ARHGEF4: variants seen among roughly 807,000 people sequenced by gnomAD.
ARHGEF4 encodes APC-stimulated guanine nucleotide exchange factor 1.
Under a neutral mutation model 162.0 loss-of-function variants are expected in ARHGEF4, and 119 were observed. The observed-to-expected ratio is 0.73, with a 90% CI of 0.63 to 0.86. The LOEUF is 0.86. Among genes scored for constraint, ARHGEF4 ranks in the 40% least tolerant of loss-of-function variants. The pLI is 0.00. For synonymous variants in ARHGEF4, 1,014 were observed against 979.9 expected (o/e 1.03, Z -0.65); for missense variants, 2,488 against 2,456.0 (o/e 1.01, Z -0.28).
intron 4 of ARHGEF4, among the ~76,000 whole-genome samples, chr2:131,016,777 G>C (rs937734254): frequency 5.9e-5 from 9 of 152,222 alleles, no homozygotes; most frequent in African/African-American, 1.9e-4. Flanking sequence ...AGTTCCCTAA[G>C]TGCTGCTGCT....
At chr2:130,974,320 G>GCTA (rs890800580) in intron 4 of ARHGEF4, among the ~76,000 whole-genome samples, 3 of 151,328 alleles carry the variant, frequency 2.0e-5, no homozygotes, top group African/African-American at 7.3e-5. Context: ...ACAATACTTG[G>GCTA]CTAACTATTT....
At chr2:130,996,446 C>T (rs1230989521) in intron 4 of ARHGEF4, among the ~76,000 whole-genome samples, 4 of 152,184 alleles carry the variant, frequency 2.6e-5, no homozygotes, top group Non-Finnish European at 5.9e-5. Context: ...AGTCACTTAT[C>T]GTTATATTTT....
chr2:130,992,612 C>T (rs920125224), intron 4 of ARHGEF4, among the ~76,000 whole-genome samples: 1 of 151,926 alleles, frequency 6.6e-6, no homozygotes, highest in African/African-American at 2.4e-5. Flanking sequence ...TCCAGACGCG[C>T]CACCTTAAGA....
chr2:130,885,424 A>G (rs1230051312), intron 1 of ARHGEF4, among the ~76,000 whole-genome samples: 1 of 151,494 alleles, frequency 6.6e-6, no homozygotes, highest in Non-Finnish European at 1.5e-5. Flanking sequence ...TTCAAGAGGA[A>G]AGAACCCTCG....
chr2:130,929,791 A>G, intron 2 of ARHGEF4: 1 of 191,730 alleles, frequency 5.2e-6, no homozygotes. Context: ...CAGCCGTGTG[A>G]GTCTCCAGGG....
chr2:130,907,435 T>G (rs905917199), intron 1 of ARHGEF4, among the ~76,000 whole-genome samples: 7 of 151,430 alleles, frequency 4.6e-5, no homozygotes, highest in Non-Finnish European at 1.5e-5. Context: ...GCCAGGATGG[T>G]CTCGATCTCC....
At chr2:131,032,657 C>T (rs149215541) in intron 5 of ARHGEF4, among the ~76,000 whole-genome samples, 4 of 151,642 alleles carry the variant, frequency 2.6e-5, no homozygotes, top group Non-Finnish European at 5.9e-5. Context: ...TTCCCTTTGT[C>T]CTCCCAAAGC....
chr2:130,838,111 C>T (rs1021332301), intron 1 of ARHGEF4, among the ~76,000 whole-genome samples: 1 of 152,206 alleles, frequency 6.6e-6, no homozygotes, highest in Admixed American at 6.5e-5. Flanking sequence ...GGAAGGCAGC[C>T]TTTCAGGAAC....
intron 6 of ARHGEF4, 46 bp from the exon 7 acceptor site, chr2:131,039,970 T>C (rs775570978): frequency 1.3e-6 from 2 of 1,541,736 alleles, no homozygotes; most frequent in East Asian, 4.9e-5. Flanking sequence ...CGCGGGGCGT[T>C]GCTCCGAGGG....
At chr2:130,967,278 A>T (rs1685066308) in intron 4 of ARHGEF4, among the ~76,000 whole-genome samples, 2 of 152,184 alleles carry the variant, frequency 1.3e-5, no homozygotes, top group African/African-American at 4.8e-5. Flanking sequence ...GCATAATCCG[A>T]ACACGAAATA....
intron 3 of ARHGEF4, among the ~76,000 whole-genome samples, chr2:130,938,660 G>T (rs993592883): frequency 2.6e-5 from 4 of 152,082 alleles, no homozygotes; most frequent in Non-Finnish European, 5.9e-5. Flanking sequence ...TGAATTTGTG[G>T]TTTACAAACA....
At chr2:130,894,659 C>CT (rs143640301) in intron 1 of ARHGEF4, among the ~76,000 whole-genome samples, 19,831 of 149,952 alleles carry the variant, frequency 0.13, 2,881 homozygotes, top group African/African-American at 0.36. Context: ...AAAAAAGCAA[C>CT]TTTTTTTTTT....
chr2:131,038,793 G>C (rs907237099), intron 5 of ARHGEF4, 60 bp from the exon 6 acceptor site: 1 of 1,532,996 alleles, frequency 6.5e-7, no homozygotes, highest in African/African-American at 1.4e-5. Context: ...TGGAGACAGA[G>C]AGCAGGGAGG....
At chr2:131,040,477 C>A in intron 8 of ARHGEF4, 37 bp downstream of exon 8, 1 of 1,502,904 alleles carries the variant, frequency 6.7e-7, no homozygotes, top group South Asian at 1.3e-5. Context: ...CTGGGCGCTG[C>A]GTTCACAGAG....
In ARHGEF4 at chr2:130,902,219, C is replaced by G. The variant is rs151231072; in HGVS notation, c.40-11767C>G. On this transcript the variant is annotated intron_variant, in intron 1 of 13. Transcript: ENST00000409359. ...GGGTACAAATGAAACAGAGAGCAAG[C>G]TTTTAACCCTCCCTCCCTCCCTCTC... 3.9e-4 allele frequency among the ~76,000 whole-genome samples: 59 copies of G among 152,260 alleles called. No homozygotes were observed. The East Asian group carries it at 6.2e-3, about 16-fold the overall frequency.
At chr2:131,000,681 G>A (rs540109419) in intron 4 of ARHGEF4, among the ~76,000 whole-genome samples, 7 of 152,084 alleles carry the variant, frequency 4.6e-5, no homozygotes, top group East Asian at 1.9e-4. Flanking sequence ...AGGAGTTGAC[G>A]TATTTTATCT....
chr2:131,026,155 T>C lies in ARHGEF4; in HGVS notation c.3986-1790T>C, dbSNP rs751956908. 4.6e-5 allele frequency among the ~76,000 whole-genome samples: 7 copies of C among 152,312 alleles called. 1 individual carries two copies. The highest frequency in any genetic ancestry group is 6.8e-3 in the Middle Eastern group (2 of 294). The stretch of plus-strand genomic sequence containing the variant: ...AAAGGACTGCCCATTCCATGAATGG[T>C]GCCAAGACCATTTATTATCCTTACA... On this transcript the variant is annotated intron_variant, in intron 4 of 13. Coordinates refer to ENST00000409359, the MANE Select transcript of ARHGEF4 (RefSeq NM_001367493.1).
Position 131,040,141 on chromosome 2 carries a change from G to A in ARHGEF4, c.4431G>A (p.Glu1477=). ...KDQMRTNVIN[E]ILSTERDYIK... ...AGATGCGGACCAACGTCATCAACGAGATCCTCAGCACTGAGCGGGACTACA... is the reference window on the plus strand; with the variant it reads ...AGATGCGGACCAACGTCATCAACGAAATCCTCAGCACTGAGCGGGACTACA... Residue 1477 remains glutamate, a synonymous_variant, in exon 7 of 14, where the codon GAG becomes GAA. Transcript: ENST00000409359. 1 of 1,613,452 alleles carries A rather than the reference G, an allele frequency of 6.2e-7. No individual in the cohort carries two copies. The highest frequency in any genetic ancestry group is 1.7e-5 in the Admixed American group (1 of 59,990).
At chr2:130,879,772 A>AT (rs990849244) in intron 1 of ARHGEF4, among the ~76,000 whole-genome samples, 1 of 149,378 alleles carries the variant, frequency 6.7e-6, no homozygotes, top group African/African-American at 2.5e-5. Flanking sequence ...TTTCTTCTTT[A>AT]TTTTTTTATT....
Sources: gnomAD v4.1 joint callset for allele counts (sites outside exome capture counted in the v4.1 genomes callset) on GRCh38, gnomAD v4.1.1 for gene constraint, MANE v1.5 for transcripts, NCBI Gene and HGNC (gene_info 2026-07-23, HGNC 2026-07-21) for gene names.